The following ZNF202 variants were observed in gnomAD, a reference collection of about 807,000 sequenced individuals.
ZNF202 encodes the protein zinc finger protein 202.
ZNF202 carries 22 observed loss-of-function variants against 54.5 expected under a neutral mutation model. That is an observed-to-expected ratio of 0.40 (90% CI 0.29 to 0.58). The LOEUF is 0.58. Ranked by LOEUF, ZNF202 falls within the 20% of genes least tolerant of loss-of-function variation. ZNF202 has a pLI of 0.39. For missense variants in ZNF202, 644 were observed against 805.5 expected (o/e 0.80, Z 2.43); for synonymous variants, 294 against 301.4 (o/e 0.98, Z 0.26).
Position 123,724,004 on chromosome 11 carries a change from T to C in ZNF202, c.*1993A>G, listed in dbSNP as rs1172373407. Among the ~76,000 whole-genome samples, 2 of 152,228 alleles carry C rather than the reference T, an allele frequency of 1.3e-5. No homozygotes were observed. Among genetic ancestry groups the C allele is most frequent in the Admixed American group, 1.3e-4 (2 of 15,280 alleles). On this transcript the variant is annotated 3_prime_UTR_variant, in exon 9 of 9. Transcript: ENST00000530393. The stretch of plus-strand genomic sequence containing the variant: ...AGTCAATTTGTTGTCACTGCCAGTA[T>C]TTTACCAACCTTTATAAATGGTTAA...
At position 123,740,534 on chromosome 11, in the gene ZNF202, C is replaced by T. The variant is rs1370382624; in HGVS notation, c.-291G>A. The T allele has an allele frequency of 6.6e-6, 1 of 152,236 alleles. No individual in the cohort carries two copies. Among genetic ancestry groups the T allele is most frequent in the East Asian group, 1.9e-4 (1 of 5,174 alleles). 9.4% of individuals were successfully genotyped at this position (152,236 alleles called of 1,614,324 possible). ...TTCTGAGTGTAGCTGCCCTGGGTGT[C>T]ACCTGCAGAGCGTGGATAGAGAAAA... On this transcript the variant is annotated splice_region_variant and 5_prime_UTR_variant, in exon 2 of 9. Coordinates refer to ENST00000530393, the MANE Select transcript of ZNF202 (RefSeq NM_003455.4).
chr11:123,731,735 C>T (rs1484767417), intron 3 of ZNF202, among the ~76,000 whole-genome samples: 1 of 152,186 alleles, frequency 6.6e-6, no homozygotes, highest in Non-Finnish European at 1.5e-5. Context: ...AAATGTATTA[C>T]TAAAGCCTAT....
Position 123,728,247 on chromosome 11 carries a change from T to C in ZNF202, c.718A>G (p.Lys240Glu). 6.2e-7 allele frequency: 1 copy of C among 1,611,158 alleles called. No homozygotes were observed. Among genetic ancestry groups the C allele is most frequent in the Non-Finnish European group, 8.5e-7 (1 of 1,178,322 alleles). ...TGGGAAAAGCATACGGCCACATCCT[T>C]GAACGTTACCAGTCCCTGAAACCAC... ...TALSQGLVTFKDVAVCFSQDQ... is the reference protein window; with the variant it reads ...TALSQGLVTFEDVAVCFSQDQ... The change falls in exon 7 of 9, where the codon AAG becomes GAG. Residue 240 changes from lysine (K) to glutamate (E), a missense_variant. Physicochemically the swap from Lys to Glu is moderately conservative, Grantham distance 56 (BLOSUM62 1). Transcript: ENST00000530393.
At chr11:123,732,835 A>G (rs183958359) in intron 3 of ZNF202, among the ~76,000 whole-genome samples, 16 of 152,270 alleles carry the variant, frequency 1.1e-4, no homozygotes, top group Admixed American at 9.8e-4. Context: ...TGCTTTTACT[A>G]TCTCTTGATT....
At position 123,727,656 on chromosome 11, in the gene ZNF202, C is replaced by A. The variant is rs1316283360; in HGVS notation, c.833-61G>T. On this transcript the variant is annotated intron_variant, in intron 7 of 8. Transcript: ENST00000530393. ...GCTCAACAATTCCCTGTGTTAAGAG[C>A]GGTCCTTTTCTATTTGGTAGGTTGT... is the stretch of plus-strand genomic sequence containing the variant. The A allele has an allele frequency of 4.4e-6, 7 of 1,596,814 alleles. No individual in the cohort carries two copies. In the Admixed American group the frequency reaches 8.6e-5, roughly 20 times the overall value.
At position 123,726,793 on chromosome 11, in the gene ZNF202, C is replaced by T. The variant is rs756437667; in HGVS notation, c.1151G>A (p.Arg384Gln). 16 of 1,614,166 alleles carry T rather than the reference C, an allele frequency of 9.9e-6. No individual in the cohort carries two copies. The highest frequency in any genetic ancestry group is 3.3e-5 in the South Asian group (3 of 91,076). ...CAGGGGGTGGACGGGTGTAGTTTCC[C>T]GAAGGTTCACAAAACTATTCACTTG... is the stretch of plus-strand genomic sequence containing the variant. ...ISQVNSFVNL[R>Q]ETTPVHPLLG... Residue 384 changes from arginine to glutamine, a missense_variant, in exon 9 of 9, where the codon CGG becomes CAG. Physicochemically the swap from Arg to Gln is conservative, Grantham distance 43. Coordinates refer to ENST00000530393, the MANE Select transcript of ZNF202 (RefSeq NM_003455.4). This position sits in a 1 kb window ranked among gnomAD's most constrained non-coding sequence, Gnocchi z 6.0.
intron 6 of ZNF202, among the ~76,000 whole-genome samples, chr11:123,728,596 A>G (rs1472374632): frequency 6.6e-6 from 1 of 152,084 alleles, no homozygotes; most frequent in East Asian, 1.9e-4. Context: ...TTTCTAGTAC[A>G]CTTTCCCTAA....
At chr11:123,739,521 A>T (rs1861771857) in intron 3 of ZNF202, 1 of 152,022 alleles carries the variant, frequency 6.6e-6, no homozygotes, top group South Asian at 2.1e-4. Context: ...CAGGTGTAAT[A>T]TTTTGATCAA....
chr11:123,726,935 C>A lies in ZNF202; in HGVS notation c.1009G>T (p.Asp337Tyr), dbSNP rs780135285. 2 of 1,613,954 alleles carry A rather than the reference C, an allele frequency of 1.2e-6. No individual in the cohort carries two copies. The highest frequency in any genetic ancestry group is 1.7e-6 in the Non-Finnish European group (2 of 1,180,030). ...CLEQEDLSLEDIHRPVLGEPE... is the reference protein window; with the variant it reads ...CLEQEDLSLEYIHRPVLGEPE... The stretch of plus-strand genomic sequence containing the variant: ...TCTCCCAAAACAGGCCTGTGTATAT[C>A]CTCCAAACTCAGATCTTCCTGCTCC... The change falls in exon 9 of 9, where the codon GAT becomes TAT. Residue 337 changes from aspartate (D) to tyrosine (Y), a missense_variant. By Grantham distance (160) the Asp-to-Tyr change is radical. Around this residue, in one of 3 missense-constraint regions of ZNF202, gnomAD observed 536 missense variants for 635.3 expected, o/e 0.84. Coordinates refer to ENST00000530393, the MANE Select transcript of ZNF202 (RefSeq NM_003455.4). This position sits in a 1 kb window ranked among gnomAD's most constrained non-coding sequence, Gnocchi z 6.0.
rs532914014 is a variant in ZNF202 at position 123,730,984 on chromosome 11, C to A, written c.-96G>T. On this transcript the variant is annotated splice_region_variant and 5_prime_UTR_variant, in exon 4 of 9. Transcript: ENST00000530393. This position sits in a 1 kb window ranked among gnomAD's most constrained non-coding sequence, Gnocchi z 6.0. Reference sequence around the variant, plus strand: ...CACAGCGAGGATTTTCTTCCAAGGGCCCTGGATAGAGAAGTAAAGACAAAC... The same window carrying A: ...CACAGCGAGGATTTTCTTCCAAGGGACCTGGATAGAGAAGTAAAGACAAAC... The A allele has an allele frequency of 1.6e-4, 230 of 1,433,948 alleles. No individual in the cohort carries two copies. In the African/African-American group the frequency reaches 2.7e-3, roughly 17 times the overall value. The allele number at this position is 1,433,948 out of a possible 1,614,324, so 88.8% of individuals were successfully genotyped here. A position where few individuals can be genotyped will look rare whatever the true frequency, so the allele number is the denominator to read the frequency against.
chr11:123,732,224 G>A (rs756960776), intron 3 of ZNF202, among the ~76,000 whole-genome samples: 3 of 152,082 alleles, frequency 2.0e-5, no homozygotes, highest in Non-Finnish European at 4.4e-5. Flanking sequence ...TCACCTTCAC[G>A]TACCCACTAT....
chr11:123,729,055 T>C lies in ZNF202; in HGVS notation c.702+71A>G, dbSNP rs1209557461. On this transcript the variant is annotated intron_variant, in intron 6 of 8. Coordinates refer to ENST00000530393, the MANE Select transcript of ZNF202 (RefSeq NM_003455.4). ...GTGTAAATGTGCATCCTGCTTCACCTGTTTAGTATGGCTTATGCCCAGTGG... is the reference window on the plus strand; with the variant it reads ...GTGTAAATGTGCATCCTGCTTCACCCGTTTAGTATGGCTTATGCCCAGTGG... The C allele has an allele frequency of 1.3e-5, 19 of 1,484,786 alleles. No individual in the cohort carries two copies. The Admixed American group carries it at 3.4e-4, about 26-fold the overall frequency. 92.0% of individuals were successfully genotyped at this position (1,484,786 alleles called of 1,614,324 possible).
chr11:123,735,665 C>T (rs1314454544), intron 3 of ZNF202, among the ~76,000 whole-genome samples: 1 of 152,016 alleles, frequency 6.6e-6, no homozygotes, highest in Non-Finnish European at 1.5e-5. Context: ...AGTAACGTAC[C>T]CAAGAGCCCT....
intron 3 of ZNF202, among the ~76,000 whole-genome samples, chr11:123,739,268 A>C (rs1861761024): frequency 6.6e-6 from 1 of 152,222 alleles, no homozygotes; most frequent in Non-Finnish European, 1.5e-5. Flanking sequence ...TGGCATAATC[A>C]TGCCCTGCTT....
At position 123,726,910 on chromosome 11, in the gene ZNF202, T is replaced by C. The variant is rs750595387; in HGVS notation, c.1034A>G (p.Glu345Gly). 4 of 1,614,128 alleles carry C rather than the reference T, an allele frequency of 2.5e-6. No individual in the cohort carries two copies. Among genetic ancestry groups the C allele is most frequent in the Non-Finnish European group, 1.7e-6 (2 of 1,180,022 alleles). ...LEDIHRPVLG[E>G]PEIHQTPDWE... ...ATCTGGAGTCTGGTGAATTTCTGGT[T>C]CTCCCAAAACAGGCCTGTGTATATC... Residue 345 changes from glutamate (E) to glycine (G), a missense_variant, in exon 9 of 9, where the codon GAA (glutamate) becomes GGA (glycine). Glu to Gly is a moderately conservative substitution (Grantham distance 98). Coordinates refer to ENST00000530393, the MANE Select transcript of ZNF202 (RefSeq NM_003455.4). The surrounding 1 kb of genome is among the most constrained non-coding windows in gnomAD (Gnocchi z 6.0).
At chr11:123,736,695 TGAATCCCTGACCTC>T (rs371857634) in intron 3 of ZNF202, among the ~76,000 whole-genome samples, 274 of 152,326 alleles carry the variant, frequency 1.8e-3, no homozygotes, top group African/African-American at 6.3e-3. Flanking sequence ...ACGCTGGGTT[TGAATCCCTGACCTC>T]GAATCCCTGA....
chr11:123,737,372 AT>A (rs1487742803), intron 3 of ZNF202, among the ~76,000 whole-genome samples: 1 of 152,126 alleles, frequency 6.6e-6, no homozygotes, highest in Non-Finnish European at 1.5e-5. Context: ...TCTGTAAAAT[AT>A]TTTTGCCACC....
chr11:123,728,113 G>A lies in ZNF202; in HGVS notation c.832+20C>T. Reference sequence around the variant, plus strand: ...AGATCTCTGGGCTTAGAACACTCTAGAATACTTGAAATTCCTTACACAGAG... The same window carrying A: ...AGATCTCTGGGCTTAGAACACTCTAAAATACTTGAAATTCCTTACACAGAG... On this transcript the variant is annotated intron_variant, in intron 7 of 8. Transcript: ENST00000530393. 1 of 1,600,434 alleles carries A rather than the reference G, an allele frequency of 6.2e-7. No homozygotes were observed. The highest frequency in any genetic ancestry group is 1.1e-5 in the South Asian group (1 of 90,462).
chr11:123,726,222 G>A lies in ZNF202; in HGVS notation c.1722C>T (p.Phe574=), dbSNP rs1483794075. 1 of 1,614,248 alleles carries A rather than the reference G, an allele frequency of 6.2e-7. No homozygotes were observed. Among genetic ancestry groups the A allele is most frequent in the Non-Finnish European group, 8.5e-7 (1 of 1,180,034 alleles). The change falls in exon 9 of 9, where the codon TTC becomes TTT. Residue 574 remains phenylalanine, a synonymous_variant. Coordinates refer to ENST00000530393, the MANE Select transcript of ZNF202 (RefSeq NM_003455.4). This position sits in a 1 kb window ranked among gnomAD's most constrained non-coding sequence, Gnocchi z 6.0. ...LYLCSECGRC[F]THSAAFAKHL... Reference sequence around the variant, plus strand: ...GCTTGGCGAACGCTGCGCTGTGGGTGAAGCAGCGCCCGCACTCGCTGCAGA... The same window carrying A: ...GCTTGGCGAACGCTGCGCTGTGGGTAAAGCAGCGCCCGCACTCGCTGCAGA...
Sources: allele counts gnomAD v4.1 joint callset (sites outside exome capture counted in the v4.1 genomes callset), GRCh38; gene constraint gnomAD v4.1.1; regional missense constraint gnomAD v4.1.1; non-coding constraint Gnocchi (gnomAD v3.1); transcripts MANE v1.5; gene names NCBI Gene and HGNC (gene_info 2026-07-23, HGNC 2026-07-21).